ARSL: variants seen among roughly 807,000 people sequenced by gnomAD.
ARSL encodes the protein arylsulfatase E (chondrodysplasia punctata 1).
ARSL carries 4 observed loss-of-function variants against 31.1 expected under a neutral mutation model. The observed-to-expected ratio is 0.13, with a 90% CI of 0.06 to 0.29. ARSL has a LOEUF of 0.29. ARSL is among the 10% of genes least tolerant of loss of function. The pLI, the probability that ARSL is intolerant of heterozygous loss-of-function variation, is 1.00. For missense variants in ARSL, 312 were observed against 497.8 expected, an observed-to-expected ratio of 0.63 and a Z score of 3.55; for synonymous variants, 198 against 209.9, an observed-to-expected ratio of 0.94 and a Z score of 0.49.
rs565917926 is a variant in ARSL at position 2,958,797 on chromosome X, C to T, written c.24-362G>A. 1.1e-4 allele frequency among the ~76,000 whole-genome samples: 12 copies of T among 111,137 alleles called. No individual in the cohort carries two copies. In the South Asian group the frequency reaches 4.2e-3, roughly 39 times the overall value. ...ACCACAGGAGTTCAAGACCAGCCTG[C>T]GCAACATGGTGAAAACTCATCTCTA... On this transcript the variant is annotated intron_variant, in intron 2 of 10. Coordinates refer to ENST00000381134, the MANE Select transcript of ARSL (RefSeq NM_000047.3).
At chrX:2,960,993 A>G (rs1264311344) in intron 1 of ARSL, among the ~76,000 whole-genome samples, 1 of 109,721 alleles carries the variant, frequency 9.1e-6, no homozygotes, top group Non-Finnish European at 1.9e-5. Flanking sequence ...CGGAAGTGGG[A>G]GGATTTGCTT....
chrX:2,943,395 C>G (rs1010452994), intron 7 of ARSL, among the ~76,000 whole-genome samples, 196 bp from the exon 8 acceptor site: 2 of 111,120 alleles, frequency 1.8e-5, no homozygotes, highest in African/African-American at 6.5e-5. Context: ...GCACCCCATC[C>G]TTTGGTCAGA....
chrX:2,951,564 C>T (rs1261131597), intron 5 of ARSL, among the ~76,000 whole-genome samples: 5 of 100,739 alleles, frequency 5.0e-5, no homozygotes, highest in Admixed American at 2.2e-4. Flanking sequence ...TTCCTTGTGC[C>T]CAGGATTGCT....
Position 2,943,054 on chromosome X carries a change from C to T in ARSL, c.1126+11G>A. The T allele has an allele frequency of 8.3e-7, 1 of 1,210,776 alleles. No homozygotes were observed. Among genetic ancestry groups the T allele is most frequent in the Non-Finnish European group, 1.1e-6 (1 of 895,040 alleles). On this transcript the variant is annotated intron_variant, in intron 8 of 10. Coordinates refer to ENST00000381134, the MANE Select transcript of ARSL (RefSeq NM_000047.3). ...TTGCAAGATGAAGATCTGGGAGCAT[C>T]TCAGTCTTACCTTTATAAATTCCAT...
intron 1 of ARSL, among the ~76,000 whole-genome samples, chrX:2,961,176 G>A (rs2089627890): frequency 9.0e-6 from 1 of 111,610 alleles, no homozygotes; most frequent in Non-Finnish European, 1.9e-5. Context: ...ACTTGGAAAT[G>A]TTCTGTCCAC....
intron 5 of ARSL, among the ~76,000 whole-genome samples, chrX:2,952,097 C>T (rs2147386999): frequency 9.1e-6 from 1 of 110,153 alleles, no homozygotes; most frequent in East Asian, 2.9e-4. Context: ...ATTTTTCATC[C>T]AATACATGAC....
intron 1 of ARSL, among the ~76,000 whole-genome samples, chrX:2,963,076 A>G (rs1244315444): frequency 8.9e-6 from 1 of 112,159 alleles, no homozygotes; most frequent in African/African-American, 3.2e-5. Flanking sequence ...AGAGAAAAAG[A>G]CCTTAGATAT....
At chrX:2,953,022 GC>G in intron 5 of ARSL, 120 bp downstream of exon 5, 1 of 893,312 alleles carries the variant, frequency 1.1e-6, no homozygotes, top group Non-Finnish European at 1.6e-6. Flanking sequence ...CTAGATACAT[GC>G]AGCTTTCTGT....
intron 1 of ARSL, among the ~76,000 whole-genome samples, chrX:2,960,908 A>AG (rs764907059): frequency 1.9e-4 from 21 of 111,572 alleles, no homozygotes; most frequent in African/African-American, 6.5e-4. Flanking sequence ...ATCTGAGTAG[A>AG]GGGTATGAAG....
In ARSL at chrX:2,946,140, A is replaced by C; in HGVS notation, c.855-6T>G. 8.3e-7 allele frequency: 1 copy of C among 1,209,548 alleles called. No homozygotes were observed. The highest frequency in any genetic ancestry group is 1.1e-6 in the Non-Finnish European group (1 of 894,415). On this transcript the variant is annotated splice_polypyrimidine_tract_variant and splice_region_variant and intron_variant, in intron 6 of 10. Transcript: ENST00000381134. Reference sequence around the variant, plus strand: ...GGAAAGGCCCATGCTTATTCCTAAAAATAAATACGAAGCAATTAAGGTGAC... The same window carrying C: ...GGAAAGGCCCATGCTTATTCCTAAACATAAATACGAAGCAATTAAGGTGAC...
chrX:2,941,592 G>T (rs2089283590), intron 8 of ARSL, among the ~76,000 whole-genome samples: 1 of 111,888 alleles, frequency 8.9e-6, no homozygotes, highest in African/African-American at 3.2e-5. Context: ...ATTCCTTTCT[G>T]TTGATCCCAG....
At chrX:2,968,218 C>T, upstream of ARSL, 1 of 1,135,634 alleles carries the variant, frequency 8.8e-7, no homozygotes. Flanking sequence ...GAAGAAACGT[C>T]TTCTTCCTGC....
chrX:2,955,541 T>C lies in ARSL; in HGVS notation c.186-4A>G. The C allele has an allele frequency of 1.7e-6, 2 of 1,210,792 alleles. No homozygotes were observed. The highest frequency in any genetic ancestry group is 2.2e-6 in the Non-Finnish European group (2 of 894,965). ...AAGGCGGTCAATATTCGGAGTCCTA[T>C]GGAGGGACAAATTAACAGCTTTACT... On this transcript the variant is annotated splice_polypyrimidine_tract_variant and splice_region_variant and intron_variant, in intron 3 of 10. Transcript: ENST00000381134.
rs1327383610 is a variant in ARSL at position 2,938,390 on chromosome X, C to T, written c.1127-133G>A. 9 of 912,165 alleles carry T rather than the reference C, an allele frequency of 9.9e-6. No homozygotes were observed. In the Admixed American group the frequency reaches 1.9e-4, roughly 20 times the overall value. The allele number at this position is 912,165 out of a possible 1,213,427, so 75.2% of individuals were successfully genotyped here. On this transcript the variant is annotated intron_variant, in intron 8 of 10. Coordinates refer to ENST00000381134, the MANE Select transcript of ARSL (RefSeq NM_000047.3). ...CCTGAGTCTCTCAATTTCTCTCTCT[C>T]TCTCTCTCTGTTTTAGTGACATTAA...
chrX:2,951,711 G>A (rs1018030150), intron 5 of ARSL, among the ~76,000 whole-genome samples: 1 of 106,636 alleles, frequency 9.4e-6, no homozygotes, highest in Non-Finnish European at 1.9e-5. Flanking sequence ...TAAGGTGGGA[G>A]GATCACTTGA....
At chrX:2,965,094 A>AG (rs1431402805), upstream of ARSL, among the ~76,000 whole-genome samples, 1 of 111,735 alleles carries the variant, frequency 8.9e-6, no homozygotes, top group Admixed American at 9.6e-5. Context: ...CTCAAAAAAA[A>AG]ATGTTTTAAA....
intron 10 of ARSL, among the ~76,000 whole-genome samples, chrX:2,936,094 G>A (rs1326078299): frequency 9.0e-6 from 1 of 110,561 alleles, no homozygotes; most frequent in Non-Finnish European, 1.9e-5. Flanking sequence ...AGCACTTTGG[G>A]AGGCCGAGGA....
chrX:2,959,415 C>G (rs1351546787), intron 2 of ARSL, among the ~76,000 whole-genome samples: 1 of 111,539 alleles, frequency 9.0e-6, no homozygotes, highest in Non-Finnish European at 1.9e-5. Context: ...TACAGCCTGC[C>G]ACTATCATTG....
chrX:2,955,476 C>T lies in ARSL; in HGVS notation c.247G>A (p.Ala83Thr), dbSNP rs1054544689. Residue 83 changes from alanine (A) to threonine (T), a missense_variant, in exon 4 of 11, where the codon GCA becomes ACA. Transcript: ENST00000381134. Reference protein sequence around the residue: ...GVKLTQHISAASLCTPSRAAF... With the variant: ...GVKLTQHISATSLCTPSRAAF... The stretch of plus-strand genomic sequence containing the variant: ...GCTCTGCTTGGGGTGCACAAAGATG[C>T]GGCAGAGATGTGTTGGGTCAGCTTC... The T allele has an allele frequency of 1.7e-6, 2 of 1,209,673 alleles. No individual in the cohort carries two copies. The highest frequency in any genetic ancestry group is 1.7e-5 in the African/African-American group (1 of 57,331).
Sources: gnomAD v4.1 joint callset for allele counts (sites outside exome capture counted in the v4.1 genomes callset) on GRCh38, gnomAD v4.1.1 for gene constraint, MANE v1.5 for transcripts, NCBI Gene and HGNC (gene_info 2026-07-23, HGNC 2026-07-21) for gene names.